TRPC3: variants seen among roughly 807,000 people sequenced by gnomAD.
TRPC3 encodes transient receptor potential cation channel subfamily C member 3.
A neutral mutation model predicts 90.9 loss-of-function variants in TRPC3; 54 were observed. The ratio of observed to expected loss-of-function variants is 0.59; its 90% CI spans 0.48 to 0.75. The LOEUF (loss-of-function observed/expected upper bound fraction) is 0.75, where lower values mean the gene tolerates loss of function less well. Among genes scored for constraint, TRPC3 ranks in the 30% least tolerant of loss-of-function variants. The probability of loss-of-function intolerance (pLI) is 0.00; values close to 1 mark genes in which losing one functional copy is unlikely to be tolerated. For missense variants in TRPC3, 918 were observed against 1,194.5 expected (o/e 0.77, Z 3.41); for synonymous variants, 424 against 450.9 (o/e 0.94, Z 0.75).
intron 11 of TRPC3, among the ~76,000 whole-genome samples, chr4:121,880,999 A>G (rs1321672102): frequency 6.6e-6 from 1 of 151,976 alleles, no homozygotes; most frequent in Admixed American, 6.6e-5. Context: ...ATGGCAATAT[A>G]AAAGGAATAA....
Position 121,904,339 on chromosome 4 carries a change from A to G in TRPC3, c.2236T>C (p.Ser746Pro). 1 of 1,598,690 alleles carries G rather than the reference A, an allele frequency of 6.3e-7. No individual in the cohort carries two copies. ...CGATTTACCTCAATTTCTTGATATG[A>G]GCTATTAATCATAGCAATTAGCATG... ...LNMLIAMINS[S>P]YQEIEDDSDV... Residue 746 changes from serine to proline, a missense_variant, in exon 8 of 12, where the codon TCA becomes CCA. Coordinates refer to ENST00000379645, the MANE Select transcript of TRPC3 (RefSeq NM_001130698.2).
chr4:121,923,725 G>C (rs958056064), intron 3 of TRPC3, among the ~76,000 whole-genome samples: 1 of 152,196 alleles, frequency 6.6e-6, no homozygotes, highest in Non-Finnish European at 1.5e-5. Flanking sequence ...GGTCACACAG[G>C]AGCACATGGT....
rs1578616004 is a variant in TRPC3 at position 121,903,154 on chromosome 4, C to A, written c.2254-93G>T. 10 of 1,152,696 alleles carry A rather than the reference C, an allele frequency of 8.7e-6. No individual in the cohort carries two copies. In the Admixed American group the frequency reaches 2.7e-4, roughly 32 times the overall value. The allele number at this position is 1,152,696 out of a possible 1,614,324, so 71.4% of individuals were successfully genotyped here. A position where few individuals can be genotyped will look rare whatever the true frequency, so the allele number is the denominator to read the frequency against. On this transcript the variant is annotated intron_variant, in intron 8 of 11. Coordinates refer to ENST00000379645, the MANE Select transcript of TRPC3 (RefSeq NM_001130698.2). ...GGTTTTTTACAATGAATCTAAGTTA[C>A]GTTTTTGAAATAGGTAACTTATACA...
intron 1 of TRPC3, among the ~76,000 whole-genome samples, chr4:121,935,189 A>C (rs770861293): frequency 5.9e-5 from 9 of 152,170 alleles, no homozygotes; most frequent in Non-Finnish European, 1.3e-4. Context: ...TAATGTTTTA[A>C]ATTTTTATTT....
intron 1 of TRPC3, among the ~76,000 whole-genome samples, chr4:121,944,576 C>G (rs1187518198): frequency 6.6e-6 from 1 of 152,134 alleles, no homozygotes; most frequent in Non-Finnish European, 1.5e-5. Flanking sequence ...CTAACTCAGT[C>G]CTCAGAAGAT....
At chr4:121,885,763 A>C (rs1728093476) in intron 10 of TRPC3, among the ~76,000 whole-genome samples, 1 of 152,168 alleles carries the variant, frequency 6.6e-6, no homozygotes, top group Non-Finnish European at 1.5e-5. Context: ...AGTACAAAAA[A>C]TTAAACTGAC....
intron 10 of TRPC3, among the ~76,000 whole-genome samples, chr4:121,897,151 C>A: frequency 6.6e-6 from 1 of 151,760 alleles, no homozygotes; most frequent in East Asian, 1.9e-4. Flanking sequence ...CAAAATGGAC[C>A]AAAGACCTAA....
chr4:121,951,919 C>A lies in TRPC3; in HGVS notation c.-239G>T, dbSNP rs986261897. On this transcript the variant is annotated 5_prime_UTR_variant, in exon 1 of 12. Coordinates refer to ENST00000379645, the MANE Select transcript of TRPC3 (RefSeq NM_001130698.2). The surrounding 1 kb of genome is among the most constrained non-coding windows in gnomAD (Gnocchi z 4.4). ...AAACCGTGGGAGCAGCTGCCGCGGC[C>A]GTGGCTGCGACGAGGAAGCCCGGGG... Among the ~76,000 whole-genome samples, 2 of 152,134 alleles carry A rather than the reference C, an allele frequency of 1.3e-5. No individual in the cohort carries two copies. The highest frequency in any genetic ancestry group is 1.3e-4 in the Admixed American group (2 of 15,306).
chr4:121,886,135 G>C (rs1022498470), intron 10 of TRPC3, among the ~76,000 whole-genome samples: 7 of 152,140 alleles, frequency 4.6e-5, no homozygotes, highest in Admixed American at 6.6e-5. Flanking sequence ...GGGTAGCTGC[G>C]GGGTGGTTAG....
intron 2 of TRPC3, among the ~76,000 whole-genome samples, chr4:121,931,394 G>T (rs575547732): frequency 1.3e-5 from 2 of 152,120 alleles, no homozygotes; most frequent in South Asian, 4.1e-4. Flanking sequence ...AATATTGATC[G>T]GAACTATGAA....
chr4:121,901,322 C>T (rs557878109), intron 9 of TRPC3, among the ~76,000 whole-genome samples: 145 of 152,234 alleles, frequency 9.5e-4, no homozygotes, highest in African/African-American at 3.2e-3. Context: ...GACCAGCTAC[C>T]GCACAGCTGA....
chr4:121,922,096 T>A (rs1729542591), intron 3 of TRPC3, among the ~76,000 whole-genome samples: 2 of 151,686 alleles, frequency 1.3e-5, no homozygotes, highest in Non-Finnish European at 2.9e-5. Context: ...TTTTTTTGTA[T>A]GTTTTTTAGT....
Position 121,925,917 on chromosome 4 carries a change from T to C in TRPC3, c.988-711A>G, listed in dbSNP as rs529913769. Among the ~76,000 whole-genome samples the C allele has an allele frequency of 2.1e-4, 32 of 152,328 alleles. 1 individual carries two copies. The South Asian group carries it at 2.3e-3, about 11-fold the overall frequency. On this transcript the variant is annotated intron_variant, in intron 2 of 11. Coordinates refer to ENST00000379645, the MANE Select transcript of TRPC3 (RefSeq NM_001130698.2). ...AGTTTTCTCTCTTTTGTACAAACAATAGTTCTTGTAAAGCCAAAACAAGAC... is the reference window on the plus strand; with the variant it reads ...AGTTTTCTCTCTTTTGTACAAACAACAGTTCTTGTAAAGCCAAAACAAGAC...
chr4:121,929,516 A>C (rs1030786863), intron 2 of TRPC3, among the ~76,000 whole-genome samples: 3 of 152,168 alleles, frequency 2.0e-5, no homozygotes, highest in African/African-American at 7.2e-5. Flanking sequence ...TTAGACCAAG[A>C]GTCTATCTTT....
intron 4 of TRPC3, among the ~76,000 whole-genome samples, chr4:121,912,394 C>T (rs975619549): frequency 7.9e-5 from 12 of 152,150 alleles, no homozygotes; most frequent in Non-Finnish European, 1.5e-4. Context: ...CTTATTTTTA[C>T]ACAAAAGAAT....
rs760016985 is a variant in TRPC3, at chr4:121,932,405, G to A, written c.853C>T (p.Arg285Cys). The change falls in exon 2 of 12, where the codon CGC becomes TGC. Residue 285 changes from arginine to cysteine, a missense_variant. Physicochemically the swap from Arg to Cys is radical, Grantham distance 180 (BLOSUM62 -3). Coordinates refer to ENST00000379645, the MANE Select transcript of TRPC3 (RefSeq NM_001130698.2). This position sits in a 1 kb window ranked among gnomAD's most constrained non-coding sequence, Gnocchi z 7.7. ...CCCTTGTAGGCATTGATCCTCGAGC[G>A]TGAGTGGCTGAAGGAGTCGTGCCTC... ...KQRHDSFSHS[R>C]SRINAYKGLA... 3 of 1,614,184 alleles carry A rather than the reference G, an allele frequency of 1.9e-6. No homozygotes were observed. Among genetic ancestry groups the A allele is most frequent in the Non-Finnish European group, 2.5e-6 (3 of 1,180,018 alleles).
chr4:121,895,187 G>A (rs1028295672), intron 10 of TRPC3, among the ~76,000 whole-genome samples: 9 of 151,644 alleles, frequency 5.9e-5, no homozygotes, highest in Non-Finnish European at 1.2e-4. Flanking sequence ...CAAGTTTATA[G>A]CAATAAATGC....
intron 1 of TRPC3, among the ~76,000 whole-genome samples, chr4:121,946,729 G>A (rs1730502617): frequency 1.3e-5 from 2 of 152,228 alleles, no homozygotes; most frequent in South Asian, 4.1e-4. Flanking sequence ...AATTGCTGGG[G>A]GCTTGCTGTT....
intron 1 of TRPC3, among the ~76,000 whole-genome samples, chr4:121,950,270 G>A (rs1315009563): frequency 1.3e-5 from 2 of 148,744 alleles, no homozygotes; most frequent in Non-Finnish European, 2.9e-5. Context: ...CAGACTCTGC[G>A]CGCGCGGAGC....
Sources: allele counts gnomAD v4.1 joint callset (sites outside exome capture counted in the v4.1 genomes callset), GRCh38; gene constraint gnomAD v4.1.1; non-coding constraint Gnocchi (gnomAD v3.1); transcripts MANE v1.5; gene names NCBI Gene and HGNC (gene_info 2026-07-23, HGNC 2026-07-21).